Variants in SUPT3H observed in about 807,000 individuals in gnomAD.
The protein encoded by SUPT3H is SPT3 homolog, SAGA and STAGA complex component, also known as transcription initiation protein SPT3 homolog.
Under a neutral mutation model 44.3 loss-of-function variants are expected in SUPT3H, and 44 were observed. The ratio of observed to expected loss-of-function variants is 0.99; its 90% CI spans 0.78 to 1.28. The LOEUF is 1.28. Ranked by LOEUF, SUPT3H falls within the 50% of genes most tolerant of loss-of-function variation. The probability of loss-of-function intolerance (pLI) is 0.00; values close to 1 mark genes in which losing one functional copy is unlikely to be tolerated. For missense variants in SUPT3H, 380 were observed against 387.1 expected (o/e 0.98, Z 0.15); for synonymous variants, 124 against 125.6 (o/e 0.99, Z 0.09).
intron 10 of SUPT3H, among the ~76,000 whole-genome samples, chr6:44,926,380 G>C (rs950983883): frequency 2.6e-5 from 4 of 151,770 alleles, no homozygotes; most frequent in Non-Finnish European, 5.9e-5. Flanking sequence ...TATCGAATTA[G>C]AAAAAAATTA....
chr6:44,891,958 G>A (rs1195840142), intron 10 of SUPT3H, among the ~76,000 whole-genome samples: 2 of 151,638 alleles, frequency 1.3e-5, no homozygotes, highest in Non-Finnish European at 2.9e-5. Context: ...ATAAAATCTT[G>A]GGGAAAATTC....
rs75964542 is a variant in SUPT3H, at chr6:45,090,777, G to T, written c.186+15145C>A. On this transcript the variant is annotated intron_variant, in intron 3 of 10. Transcript: ENST00000371459. Reference sequence around the variant, plus strand: ...GATAAAGCTGAGACTTTTATGATGGGAGTAAAAGTTAACTAGTGAAAAAAT... The same window carrying T: ...GATAAAGCTGAGACTTTTATGATGGTAGTAAAAGTTAACTAGTGAAAAAAT... Among the ~76,000 whole-genome samples the T allele has an allele frequency of 2.6e-3, 392 of 151,956 alleles. 3 individuals are homozygous for T. The highest frequency in any genetic ancestry group is 8.6e-3 in the African/African-American group (358 of 41,536).
At chr6:44,825,736 G>C (rs762871504), downstream of SUPT3H, among the ~76,000 whole-genome samples, 1 of 152,134 alleles carries the variant, frequency 6.6e-6, no homozygotes, top group Non-Finnish European at 1.5e-5. Flanking sequence ...CAAGTAGAGT[G>C]TTACCTGGTA....
intron 10 of SUPT3H, among the ~76,000 whole-genome samples, chr6:44,904,576 T>C (rs891188058): frequency 1.3e-5 from 2 of 152,148 alleles, no homozygotes; most frequent in African/African-American, 2.4e-5. Flanking sequence ...ATCAATATCA[T>C]GAAAATGGCC....
chr6:44,900,764 GCAC>G (rs1427591406), intron 10 of SUPT3H, among the ~76,000 whole-genome samples: 1 of 152,144 alleles, frequency 6.6e-6, no homozygotes, highest in Non-Finnish European at 1.5e-5. Flanking sequence ...TAACTGGGAG[GCAC>G]CCCCTAGCAG....
At chr6:45,105,316 G>C (rs1436392858) in intron 3 of SUPT3H, among the ~76,000 whole-genome samples, 1 of 152,122 alleles carries the variant, frequency 6.6e-6, no homozygotes, top group East Asian at 1.9e-4. Context: ...AAGGCTACAT[G>C]AGTGAATTCC....
At chr6:45,058,423 C>G (rs1473999370) in intron 3 of SUPT3H, among the ~76,000 whole-genome samples, 1 of 152,128 alleles carries the variant, frequency 6.6e-6, no homozygotes, top group Admixed American at 6.6e-5. Context: ...TGAACACCTT[C>G]TATATTCTAA....
rs182143229 is a variant in SUPT3H at position 45,250,110 on chromosome 6, T to C, written c.101+115091A>G. 2.3e-3 allele frequency among the ~76,000 whole-genome samples: 351 copies of C among 152,300 alleles called. 1 individual carries two copies. Among genetic ancestry groups the C allele is most frequent in the African/African-American group, 7.7e-3 (321 of 41,564 alleles). On this transcript the variant is annotated intron_variant, in intron 2 of 10. Coordinates refer to ENST00000371459, the MANE Select transcript of SUPT3H (RefSeq NM_003599.4). ...AATAAAGGTCTACCTCAAATACATT[T>C]TGATGCCTCGGTCTTAAGTATGAAC...
At chr6:44,896,007 A>G (rs113554828) in intron 10 of SUPT3H, among the ~76,000 whole-genome samples, 69 of 152,194 alleles carry the variant, frequency 4.5e-4, no homozygotes, top group African/African-American at 1.4e-3. Flanking sequence ...TATATGTCCC[A>G]TGGGCATTCA....
chr6:45,106,535 T>C lies in SUPT3H; in HGVS notation c.102-529A>G, dbSNP rs538256645. On this transcript the variant is annotated intron_variant, in intron 2 of 10. Coordinates refer to ENST00000371459, the MANE Select transcript of SUPT3H (RefSeq NM_003599.4). ...TGCTATTTCTGGATTCGTACAGTTT[T>C]TATTTTTTTTATTTTTTTTGAGACA... Among the ~76,000 whole-genome samples, 194 of 152,060 alleles carry C rather than the reference T, an allele frequency of 1.3e-3. 1 individual carries two copies. Among genetic ancestry groups the C allele is most frequent in the African/African-American group, 4.6e-3 (190 of 41,406 alleles).
intron 6 of SUPT3H, among the ~76,000 whole-genome samples, chr6:44,984,775 A>C (rs1779551926): frequency 6.6e-6 from 1 of 152,170 alleles, no homozygotes; most frequent in African/African-American, 2.4e-5. Context: ...AATTACCATA[A>C]GGACATTAAC....
intron 3 of SUPT3H, among the ~76,000 whole-genome samples, chr6:45,050,497 G>A (rs1367600230): frequency 6.6e-6 from 1 of 151,968 alleles, no homozygotes; most frequent in African/African-American, 2.4e-5. Flanking sequence ...AATTTTCATG[G>A]GGGCGGGCAG....
At chr6:44,919,669 T>C (rs1267439010) in intron 10 of SUPT3H, among the ~76,000 whole-genome samples, 1 of 152,198 alleles carries the variant, frequency 6.6e-6, no homozygotes, top group Admixed American at 6.5e-5. Flanking sequence ...GCTATTTTTT[T>C]ATTCTTCTCT....
At chr6:44,984,398 ATTT>A (rs757435861) in intron 6 of SUPT3H, among the ~76,000 whole-genome samples, 1 of 152,094 alleles carries the variant, frequency 6.6e-6, no homozygotes, top group Non-Finnish European at 1.5e-5. Flanking sequence ...AGTGAATAAA[ATTT>A]TTATTTTATT....
intron 2 of SUPT3H, 91 bp from the exon 3 acceptor site, chr6:45,106,097 A>G: frequency 9.3e-7 from 1 of 1,079,444 alleles, no homozygotes; most frequent in Non-Finnish European, 1.4e-6. Context: ...TCAGTTTAGT[A>G]AGGAGAACAT....
chr6:45,183,043 C>T (rs1813561488), intron 2 of SUPT3H, among the ~76,000 whole-genome samples: 1 of 152,146 alleles, frequency 6.6e-6, no homozygotes, highest in Admixed American at 6.5e-5. Context: ...CAGCATTATT[C>T]ACAATAAATA....
chr6:45,219,651 C>G (rs556465518), intron 2 of SUPT3H, among the ~76,000 whole-genome samples: 11 of 152,088 alleles, frequency 7.2e-5, no homozygotes, highest in Admixed American at 5.9e-4. Flanking sequence ...ATAGCTCCCC[C>G]CAATTCCAAA....
intron 2 of SUPT3H, among the ~76,000 whole-genome samples, chr6:45,348,666 C>T (rs572834485): frequency 1.4e-5 from 2 of 141,146 alleles, no homozygotes; most frequent in East Asian, 4.0e-4. Flanking sequence ...CAAAGTAAAA[C>T]TCCAACTCAA....
At chr6:44,865,405 C>G (rs1238353426) in intron 10 of SUPT3H, among the ~76,000 whole-genome samples, 1 of 150,068 alleles carries the variant, frequency 6.7e-6, no homozygotes, top group Non-Finnish European at 1.5e-5. Context: ...TACCCATTTA[C>G]TGTATTACTT....
Sources: allele counts gnomAD v4.1 joint callset (sites outside exome capture counted in the v4.1 genomes callset), GRCh38; gene constraint gnomAD v4.1.1; transcripts MANE v1.5; gene names NCBI Gene and HGNC (gene_info 2026-07-23, HGNC 2026-07-21).